Variants in EYS observed in about 807,000 individuals in gnomAD.
EYS encodes protein eyes shut homolog.
A neutral mutation model predicts 282.1 loss-of-function variants in EYS; 250 were observed. That is an observed-to-expected ratio of 0.89 (90% confidence interval 0.80 to 0.98). The LOEUF (loss-of-function observed/expected upper bound fraction) is 0.98. Among genes scored for constraint, EYS ranks in the 50% least tolerant of loss-of-function variants. The pLI, the probability that EYS is intolerant of heterozygous loss-of-function variation, is 0.00. For synonymous variants in EYS, 1,355 were observed against 1,282.9 expected, an observed-to-expected ratio of 1.06 and a Z score of -1.20; for missense variants, 4,016 against 3,709.0, an observed-to-expected ratio of 1.08 and a Z score of -2.15.
intron 26 of EYS, among the ~76,000 whole-genome samples, chr6:64,513,177 T>C (rs1322929311): frequency 6.6e-6 from 1 of 151,878 alleles, no homozygotes; most frequent in Non-Finnish European, 1.5e-5. Context: ...AATAGCTAGG[T>C]AGACATTTTC....
rs78238367 is a variant in EYS at position 64,466,214 on chromosome 6, A to G, written c.5645-26862T>C. On this transcript the variant is annotated intron_variant, in intron 26 of 42. Coordinates refer to ENST00000503581, the MANE Select transcript of EYS (RefSeq NM_001142800.2). ...TAGGTTCCTCAAGAAAATAAAAAATAGCACTATAATATAATCTAGCAATCC... is the reference window on the plus strand; with the variant it reads ...TAGGTTCCTCAAGAAAATAAAAAATGGCACTATAATATAATCTAGCAATCC... Among the ~76,000 whole-genome samples the G allele has an allele frequency of 4.6e-3, 693 of 152,236 alleles. 5 individuals are homozygous for G. The highest frequency in any genetic ancestry group is 0.016 in the African/African-American group (650 of 41,556).
At chr6:64,000,499 A>G (rs1303931395) in intron 33 of EYS, among the ~76,000 whole-genome samples, 1 of 151,756 alleles carries the variant, frequency 6.6e-6, no homozygotes, top group Non-Finnish European at 1.5e-5. Context: ...CGAGCCCGGC[A>G]GGACTTTTAG....
chr6:64,748,915 G>A (rs1772651594), intron 22 of EYS, among the ~76,000 whole-genome samples: 1 of 152,166 alleles, frequency 6.6e-6, no homozygotes. Context: ...TGGGATTACA[G>A]GGTTGTACCA....
At chr6:64,744,501 A>G (rs1360428997) in intron 22 of EYS, among the ~76,000 whole-genome samples, 1 of 152,194 alleles carries the variant, frequency 6.6e-6, no homozygotes, top group Non-Finnish European at 1.5e-5. Flanking sequence ...TAACTATAGT[A>G]CAGTTTCAAT....
intron 19 of EYS, among the ~76,000 whole-genome samples, chr6:64,882,888 A>C (rs1766965946): frequency 6.6e-6 from 1 of 151,550 alleles, no homozygotes. Flanking sequence ...CTGATAATTA[A>C]ATCAGAATTT....
chr6:64,660,508 C>A (rs1382561574), intron 22 of EYS, among the ~76,000 whole-genome samples: 3 of 152,110 alleles, frequency 2.0e-5, no homozygotes, highest in Non-Finnish European at 4.4e-5. Context: ...AGCCCAAAAT[C>A]TCCTTAAGCT....
intron 5 of EYS, among the ~76,000 whole-genome samples, chr6:65,466,087 G>A (rs898164829): frequency 2.6e-5 from 4 of 152,046 alleles, no homozygotes; most frequent in African/African-American, 9.7e-5. Flanking sequence ...TTTAGAAATT[G>A]CATTGCCCTC....
At chr6:64,704,330 A>G (rs1036144030) in intron 22 of EYS, among the ~76,000 whole-genome samples, 57 of 146,822 alleles carry the variant, frequency 3.9e-4, no homozygotes, top group Admixed American at 1.7e-3. Context: ...ATATAAATAT[A>G]TATACATATA....
intron 12 of EYS, among the ~76,000 whole-genome samples, chr6:65,284,582 T>G (rs1235340650): frequency 4.6e-5 from 7 of 152,104 alleles, no homozygotes; most frequent in Non-Finnish European, 7.4e-5. Flanking sequence ...CTATCCAGCT[T>G]GAACTTAACT....
intron 12 of EYS, among the ~76,000 whole-genome samples, chr6:65,201,793 A>G (rs1045069143): frequency 6.6e-6 from 1 of 151,988 alleles, no homozygotes; most frequent in Admixed American, 6.6e-5. Context: ...AACATTGCTA[A>G]GCCACACAAA....
At chr6:64,419,641 C>T (rs1774165904) in intron 28 of EYS, among the ~76,000 whole-genome samples, 1 of 152,174 alleles carries the variant, frequency 6.6e-6, no homozygotes, top group Non-Finnish European at 1.5e-5. Context: ...AGAACAAAGT[C>T]CAAAATCCAA....
intron 22 of EYS, among the ~76,000 whole-genome samples, chr6:64,626,985 G>A (rs536411508): frequency 1.4e-4 from 21 of 152,260 alleles, no homozygotes; most frequent in Middle Eastern, 6.8e-3. Context: ...AGAGTCAATA[G>A]GTCAGAGACT....
At chr6:63,854,509 G>A (rs1772341628) in intron 36 of EYS, among the ~76,000 whole-genome samples, 1 of 152,054 alleles carries the variant, frequency 6.6e-6, no homozygotes, top group South Asian at 2.1e-4. Context: ...TGCAAGTGGG[G>A]CTTAAAACCT....
intron 23 of EYS, among the ~76,000 whole-genome samples, chr6:64,623,296 A>G (rs1298876925): frequency 6.6e-6 from 1 of 152,136 alleles, no homozygotes; most frequent in East Asian, 1.9e-4. Context: ...TCTCTTCACC[A>G]AGATAACATT....
chr6:63,954,921 C>A (rs919115007), intron 35 of EYS, among the ~76,000 whole-genome samples: 2 of 152,200 alleles, frequency 1.3e-5, no homozygotes, highest in African/African-American at 4.8e-5. Flanking sequence ...AAGGAAATAA[C>A]TTCTCAGTGT....
At chr6:64,027,941 C>A (rs188339090) in intron 33 of EYS, among the ~76,000 whole-genome samples, 5 of 152,196 alleles carry the variant, frequency 3.3e-5, no homozygotes, top group Non-Finnish European at 7.3e-5. Context: ...TGTTAATCTC[C>A]TGTCCTGGAC....
intron 2 of EYS, 137 bp from the exon 3 acceptor site, chr6:65,496,130 A>T (rs1416995687): frequency 6.6e-6 from 1 of 152,156 alleles, no homozygotes; most frequent in African/African-American, 2.4e-5. Flanking sequence ...ACTCCCATAT[A>T]TATGAAAATT....
chr6:63,976,601 C>G (rs1444530777), intron 35 of EYS, among the ~76,000 whole-genome samples: 1 of 151,996 alleles, frequency 6.6e-6, no homozygotes, highest in Non-Finnish European at 1.5e-5. Flanking sequence ...TTTTAGCATC[C>G]TTTCAGTGTC....
At chr6:64,223,191 TC>T (rs1158175825) in intron 31 of EYS, among the ~76,000 whole-genome samples, 1 of 152,014 alleles carries the variant, frequency 6.6e-6, no homozygotes, top group Non-Finnish European at 1.5e-5. Context: ...TTCTCATTCT[TC>T]CCACTGTTTA....
Sources: allele counts gnomAD v4.1 joint callset (sites outside exome capture counted in the v4.1 genomes callset), GRCh38; gene constraint gnomAD v4.1.1; transcripts MANE v1.5; gene names NCBI Gene and HGNC (gene_info 2026-07-23, HGNC 2026-07-21).